The following TNRC6B variants were observed in gnomAD, a reference collection of about 807,000 sequenced individuals.
The protein encoded by TNRC6B is trinucleotide repeat-containing gene 6B protein.
TNRC6B carries 52 observed loss-of-function variants against 203.6 expected under a neutral mutation model. The observed-to-expected ratio is 0.26, with a 90% CI of 0.20 to 0.32. The LOEUF (loss-of-function observed/expected upper bound fraction) is 0.32, where lower values mean the gene tolerates loss of function less well. TNRC6B is among the 10% of genes least tolerant of loss of function. TNRC6B has a pLI of 1.00. For missense variants in TNRC6B, 1,923 were observed against 2,286.2 expected (o/e 0.84, Z 3.24); for synonymous variants, 838 against 845.7 (o/e 0.99, Z 0.16).
intron 3 of TNRC6B, among the ~76,000 whole-genome samples, chr22:40,130,986 C>G (rs888736100): frequency 4.0e-5 from 6 of 150,944 alleles, no homozygotes; most frequent in Non-Finnish European, 5.9e-5. Flanking sequence ...ACTGCAAGCT[C>G]CGCCTCCCGG....
At chr22:40,302,761 G>T (rs1180769351) in intron 15 of TNRC6B, among the ~76,000 whole-genome samples, 2 of 152,166 alleles carry the variant, frequency 1.3e-5, no homozygotes, top group African/African-American at 4.8e-5. Flanking sequence ...ACGTGCAGGG[G>T]GTGAGCAAAG....
chr22:40,316,481 T>C lies in TNRC6B; in HGVS notation c.4974+469T>C, dbSNP rs547922230. ...AGGAGTCTGAAATCAGTCCAAGCAA[T>C]ATGAGACCCTGTTTCTACAAAAAAT... is the stretch of plus-strand genomic sequence containing the variant. On this transcript the variant is annotated intron_variant, in intron 21 of 22. Transcript: ENST00000454349. 3.5e-4 allele frequency among the ~76,000 whole-genome samples: 53 copies of C among 151,610 alleles called. 1 individual carries two copies. Among genetic ancestry groups the C allele is most frequent in the African/African-American group, 1.3e-3 (52 of 41,302 alleles).
chr22:40,228,623 G>A (rs1462289285), intron 1 of TNRC6B, among the ~76,000 whole-genome samples: 14 of 149,682 alleles, frequency 9.4e-5, no homozygotes, highest in South Asian at 2.2e-4. Context: ...AGGTTCAAGC[G>A]ATTCTCCTGC....
chr22:40,151,238 T>G (rs1260266552), intron 3 of TNRC6B, among the ~76,000 whole-genome samples: 1 of 151,620 alleles, frequency 6.6e-6, no homozygotes, highest in Non-Finnish European at 1.5e-5. Flanking sequence ...GCCACTGCAC[T>G]CCAGCTTGGG....
chr22:40,250,660 T>C (rs975890580), intron 2 of TNRC6B, among the ~76,000 whole-genome samples: 1 of 152,194 alleles, frequency 6.6e-6, no homozygotes, highest in African/African-American at 2.4e-5. Context: ...CAATAGATAA[T>C]AGAAAACTGG....
chr22:40,045,848 A>G (rs537346823), intron 1 of TNRC6B, among the ~76,000 whole-genome samples: 26 of 152,272 alleles, frequency 1.7e-4, no homozygotes, highest in African/African-American at 6.0e-4. Context: ...CTTATTCTGA[A>G]TTCTTTGGAA....
At chr22:40,264,321 T>G (rs898881429) in intron 4 of TNRC6B, among the ~76,000 whole-genome samples, 2 of 152,288 alleles carry the variant, frequency 1.3e-5, no homozygotes, top group Admixed American at 6.5e-5. Context: ...AGCAGTGATA[T>G]AATCAAAAGT....
At chr22:40,072,861 C>CA (rs767881898) in intron 1 of TNRC6B, among the ~76,000 whole-genome samples, 4,153 of 46,438 alleles carry the variant, frequency 0.089, 840 homozygotes, top group Non-Finnish European at 0.16. Flanking sequence ...GAGATTCTCT[C>CA]AAAAAAAAAA....
At chr22:40,267,463 T>C (rs1040980344) in intron 5 of TNRC6B, among the ~76,000 whole-genome samples, 32 of 152,218 alleles carry the variant, frequency 2.1e-4, no homozygotes, top group African/African-American at 7.5e-4. Flanking sequence ...TCTGTGTTTT[T>C]CCAAAGGCCA....
chr22:40,245,155 A>G (rs1165254686), intron 1 of TNRC6B, among the ~76,000 whole-genome samples: 7 of 152,022 alleles, frequency 4.6e-5, no homozygotes, highest in African/African-American at 1.7e-4. Flanking sequence ...CAGTGGCACT[A>G]TCTTGGCTCA....
Position 40,072,734 on chromosome 22 carries a change from C to T in TNRC6B, c.-121+27736C>T, listed in dbSNP as rs373274861. Among the ~76,000 whole-genome samples, 58 of 151,956 alleles carry T rather than the reference C, an allele frequency of 3.8e-4. 1 individual carries two copies. Among genetic ancestry groups the T allele is most frequent in the African/African-American group, 1.4e-3 (56 of 41,452 alleles). ...CAAAAATTAGCCGGGCATGGTGGCA[C>T]GTGCCTGAAATCCCAGATACTCAGG... On this transcript the variant is annotated intron_variant, in intron 1 of 23. Coordinates refer to the TNRC6B transcript ENST00000301923.
At chr22:40,098,484 T>G (rs2068204772) in intron 1 of TNRC6B, among the ~76,000 whole-genome samples, 1 of 150,932 alleles carries the variant, frequency 6.6e-6, no homozygotes, top group Non-Finnish European at 1.5e-5. Context: ...AGAAAGGCAC[T>G]CTGCATCCCG....
At chr22:40,309,059 G>A (rs2071135573) in intron 16 of TNRC6B, among the ~76,000 whole-genome samples, 1 of 152,212 alleles carries the variant, frequency 6.6e-6, no homozygotes, top group East Asian at 1.9e-4. Context: ...CTCCAAAAGA[G>A]GACTAATAGA....
intron 1 of TNRC6B, among the ~76,000 whole-genome samples, chr22:40,099,561 A>G (rs2068215707): frequency 6.6e-6 from 1 of 152,172 alleles, no homozygotes; most frequent in South Asian, 2.1e-4. Context: ...TGTTGAACAC[A>G]TATAGACTAT....
Position 40,261,869 on chromosome 22 carries a change from G to T in TNRC6B, c.153G>T (p.Thr51=), listed in dbSNP as rs777032843. ...CGAAACCAAGTTTAAGCCAACCAACGGCCGCCAGCCCAATTGGCAGCTCTC... is the reference window on the plus strand; with the variant it reads ...CGAAACCAAGTTTAAGCCAACCAACTGCCGCCAGCCCAATTGGCAGCTCTC... The part of the protein sequence containing the change: ...EVTKPSLSQP[T]AASPIGSSPS... Residue 51 remains threonine (T), a synonymous_variant, in exon 4 of 23, where the codon ACG becomes ACT. Coordinates refer to ENST00000454349, the MANE Select transcript of TNRC6B (RefSeq NM_001162501.2). The T allele has an allele frequency of 2.5e-6, 4 of 1,581,604 alleles. No homozygotes were observed. Among genetic ancestry groups the T allele is most frequent in the Non-Finnish European group, 3.5e-6 (4 of 1,154,064 alleles).
chr22:40,286,535 C>A (rs2070785086), intron 12 of TNRC6B, among the ~76,000 whole-genome samples: 2 of 151,962 alleles, frequency 1.3e-5, no homozygotes, highest in South Asian at 4.1e-4. Context: ...TGAGAATTGC[C>A]AGATTCTGGA....
intron 1 of TNRC6B, among the ~76,000 whole-genome samples, chr22:40,239,138 G>A (rs1002154219): frequency 5.3e-5 from 8 of 152,106 alleles, no homozygotes; most frequent in African/African-American, 1.9e-4. Context: ...GGGAGGCGGA[G>A]GTTGCAGTGT....
intron 3 of TNRC6B, among the ~76,000 whole-genome samples, chr22:40,145,041 G>T (rs1375016803): frequency 6.8e-6 from 1 of 146,336 alleles, no homozygotes; most frequent in African/African-American, 2.6e-5. Context: ...AGACCAGCCT[G>T]GGCAGAGAGA....
intron 1 of TNRC6B, among the ~76,000 whole-genome samples, chr22:40,113,603 C>T (rs1237478620): frequency 1.3e-5 from 2 of 152,198 alleles, no homozygotes; most frequent in East Asian, 3.8e-4. Flanking sequence ...TCAATCTGCC[C>T]ACCTCTGCCT....
Sources: gnomAD v4.1 joint callset for allele counts (sites outside exome capture counted in the v4.1 genomes callset) on GRCh38, gnomAD v4.1.1 for gene constraint, MANE v1.5 for transcripts, NCBI Gene and HGNC (gene_info 2026-07-23, HGNC 2026-07-21) for gene names.